Variants in RGPD2 observed in about 807,000 individuals in gnomAD.
RGPD2 encodes RANBP2 like and GRIP domain containing 2.
In RGPD2, 2 loss-of-function variants were observed where a neutral mutation model predicts 36.0. The observed-to-expected ratio is 0.06, with a 90% CI of 0.02 to 0.17. The LOEUF is 0.17. RGPD2 is among the 10% of genes least tolerant of loss of function. RGPD2 has a pLI of 1.00. For synonymous variants in RGPD2, 19 were observed against 163.8 expected (o/e 0.12, Z 6.75); for missense variants, 40 against 464.3 (o/e 0.09, Z 8.40).
the RGPD2 span, among the ~76,000 whole-genome samples, chr2:87,983,884 A>C: frequency 6.6e-6 from 1 of 152,290 alleles, no homozygotes; most frequent in Non-Finnish European, 1.5e-5. Flanking sequence ...ATGCGTGCAA[A>C]GCATTAAGAA....
the RGPD2 span, among the ~76,000 whole-genome samples, chr2:87,989,371 A>G: frequency 2.7e-3 from 404 of 150,788 alleles, 1 homozygote; most frequent in African/African-American, 9.4e-3. Flanking sequence ...GCTTGTTTTA[A>G]TAAAAAGTGT....
chr2:87,870,235 T>A, the RGPD2 span, among the ~76,000 whole-genome samples: 1 of 152,406 alleles, frequency 6.6e-6, no homozygotes, highest in East Asian at 1.9e-4. Context: ...GCTAGCCAAT[T>A]CTTTGAGTTA....
chr2:87,977,611 C>T, the RGPD2 span, among the ~76,000 whole-genome samples: 7 of 148,328 alleles, frequency 4.7e-5, no homozygotes, highest in East Asian at 1.0e-3. Flanking sequence ...CCCAGGAGTT[C>T]GAGACCAGCC....
chr2:87,882,397 T>A, the RGPD2 span, among the ~76,000 whole-genome samples: 1 of 152,262 alleles, frequency 6.6e-6, no homozygotes, highest in Non-Finnish European at 1.5e-5. Flanking sequence ...TTGTTGAAAA[T>A]CAACTCACAC....
the RGPD2 span, among the ~76,000 whole-genome samples, chr2:87,877,628 C>G: frequency 2.8e-4 from 42 of 152,294 alleles, no homozygotes; most frequent in African/African-American, 9.4e-4. Context: ...ACGGTGAAAC[C>G]CTGTCTCTAC....
the RGPD2 span, among the ~76,000 whole-genome samples, chr2:87,881,422 G>T: frequency 1.3e-5 from 2 of 152,184 alleles, no homozygotes; most frequent in Non-Finnish European, 2.9e-5. Flanking sequence ...ACTTTTTCCT[G>T]GGGACCCAGG....
chr2:87,917,529 G>A, the RGPD2 span, among the ~76,000 whole-genome samples: 1 of 33,044 alleles, frequency 3.0e-5, no homozygotes, highest in Non-Finnish European at 5.7e-5. Context: ...TTTCATTCAA[G>A]ATAGACTAAA....
chr2:87,809,385 TG>T (rs1686072265), intron 6 of RGPD2, among the ~76,000 whole-genome samples: 1 of 146,348 alleles, frequency 6.8e-6, no homozygotes, highest in Non-Finnish European at 1.5e-5. Flanking sequence ...TAGCCAGGTG[TG>T]GGCTGAGCGC....
the RGPD2 span, among the ~76,000 whole-genome samples, chr2:87,947,323 A>T: frequency 6.6e-6 from 1 of 151,982 alleles, no homozygotes; most frequent in African/African-American, 2.4e-5. Context: ...GCCTCAAATA[A>T]TGGGGTTAAA....
chr2:87,983,218 G>T, the RGPD2 span, among the ~76,000 whole-genome samples: 1 of 152,212 alleles, frequency 6.6e-6, no homozygotes, highest in East Asian at 1.9e-4. Context: ...TACTCGGGAG[G>T]CTGAGGCACA....
chr2:87,960,593 A>T, the RGPD2 span, among the ~76,000 whole-genome samples: 1 of 7,748 alleles, frequency 1.3e-4, no homozygotes, highest in South Asian at 3.1e-3. Context: ...AATGATACAA[A>T]TTATTAAATA....
At chr2:87,989,527 A>C in the RGPD2 span, among the ~76,000 whole-genome samples, 1 of 152,172 alleles carries the variant, frequency 6.6e-6, no homozygotes, top group South Asian at 2.1e-4. Flanking sequence ...TGTAGAAAAC[A>C]AGCAGAATTA....
the RGPD2 span, among the ~76,000 whole-genome samples, chr2:87,921,820 A>G: frequency 1.7e-4 from 26 of 152,188 alleles, no homozygotes; most frequent in African/African-American, 6.3e-4. Context: ...TAAAATTGAA[A>G]GAGTCAGAAA....
At chr2:87,975,784 C>G in the RGPD2 span, among the ~76,000 whole-genome samples, 1 of 149,766 alleles carries the variant, frequency 6.7e-6, no homozygotes, top group Non-Finnish European at 1.5e-5. Context: ...TGTGTACCCC[C>G]ACAGCACTCA....
At chr2:87,935,226 T>C in the RGPD2 span, among the ~76,000 whole-genome samples, 6,312 of 146,102 alleles carry the variant, frequency 0.043, 249 homozygotes, top group African/African-American at 0.1. Flanking sequence ...AATTTGAATG[T>C]GTCAATAGAG....
At chr2:87,820,127 CAAAAAAAA>C (rs1245208969) in intron 1 of RGPD2, among the ~76,000 whole-genome samples, 5 of 29,072 alleles carry the variant, frequency 1.7e-4, no homozygotes, top group Non-Finnish European at 1.8e-4. Context: ...GATTCCATCT[CAAAAAAAA>C]AAAAAAAAAA....
the RGPD2 span, among the ~76,000 whole-genome samples, chr2:87,957,244 G>GGGC: frequency 7.2e-6 from 1 of 139,162 alleles, no homozygotes; most frequent in African/African-American, 2.7e-5. Flanking sequence ...ACTGGGGGGG[G>GGGC]GCTCTCATTA....
At chr2:87,880,343 T>C in the RGPD2 span, among the ~76,000 whole-genome samples, 1 of 147,084 alleles carries the variant, frequency 6.8e-6, no homozygotes, top group Non-Finnish European at 1.5e-5. Flanking sequence ...ATTTTTGTTT[T>C]TGTTGCTCAA....
the RGPD2 span, among the ~76,000 whole-genome samples, chr2:87,881,245 C>G: frequency 4.0e-5 from 6 of 151,342 alleles, no homozygotes; most frequent in Admixed American, 3.3e-4. Context: ...AAGGTGTAAG[C>G]TGCAGGTGGA....
Sources: allele counts gnomAD v4.1 joint callset (sites outside exome capture counted in the v4.1 genomes callset), GRCh38; gene constraint gnomAD v4.1.1; transcripts MANE v1.5; gene names NCBI Gene and HGNC (gene_info 2026-07-23, HGNC 2026-07-21).